The following PARD3 variants were observed in gnomAD, a reference collection of about 807,000 sequenced individuals.
PARD3 encodes partitioning defective 3 homolog.
In PARD3, 75 loss-of-function variants were observed where a neutral mutation model predicts 155.4. The observed-to-expected ratio is 0.48, with a 90% CI of 0.40 to 0.58. PARD3 has a LOEUF of 0.58. Ranked by LOEUF, PARD3 falls within the 20% of genes least tolerant of loss-of-function variation. PARD3 has a pLI of 0.00. For synonymous variants in PARD3, 576 were observed against 610.5 expected, an observed-to-expected ratio of 0.94 and a Z score of 0.83; for missense variants, 1,642 against 1,721.7, an observed-to-expected ratio of 0.95 and a Z score of 0.82.
In PARD3 at chr10:34,345,209, G is replaced by T. The variant is rs190988559; in HGVS notation, c.2218+2756C>A. 34 of 983,838 alleles carry T rather than the reference G, an allele frequency of 3.5e-5. No homozygotes were observed. In the African/African-American group the frequency reaches 5.1e-4, roughly 15 times the overall value. 60.9% of individuals were successfully genotyped at this position (983,838 alleles called of 1,614,324 possible). On this transcript the variant is annotated intron_variant, in intron 15 of 24. Transcript: ENST00000374788. ...GGACTTAGTTCCTCATCTGTTAAAT[G>T]GGAAAGTGTGACTGATGACATCTGA... is the stretch of plus-strand genomic sequence containing the variant.
chr10:34,123,372 G>A (rs1947108167), intron 23 of PARD3, among the ~76,000 whole-genome samples: 2 of 152,130 alleles, frequency 1.3e-5, no homozygotes, highest in Admixed American at 6.5e-5. Context: ...GCTTGAGGAA[G>A]CTATACAATG....
At chr10:34,717,763 A>C (rs2094542319) in intron 1 of PARD3, among the ~76,000 whole-genome samples, 1 of 152,228 alleles carries the variant, frequency 6.6e-6, no homozygotes. Flanking sequence ...CCACCAGTGA[A>C]TTAAGAACCA....
chr10:34,800,086 T>A (rs1370239561), intron 1 of PARD3, among the ~76,000 whole-genome samples: 1 of 151,646 alleles, frequency 6.6e-6, no homozygotes, highest in Non-Finnish European at 1.5e-5. Flanking sequence ...GCCATGATCA[T>A]GCCACTGCAC....
At chr10:34,684,848 T>C (rs117359120) in intron 2 of PARD3, among the ~76,000 whole-genome samples, 39,060 of 129,766 alleles carry the variant, frequency 0.3, 6,571 homozygotes, top group Non-Finnish European at 0.39. Context: ...CACACACACA[T>C]ATATATACAT....
intron 2 of PARD3, among the ~76,000 whole-genome samples, chr10:34,692,766 CGGG>C (rs1204706384): frequency 2.6e-5 from 4 of 152,108 alleles, no homozygotes. Context: ...CCCAGCTACT[CGGG>C]AGGCTGAGGC....
At chr10:34,695,571 CTCCTCT>C (rs1000646109) in intron 2 of PARD3, among the ~76,000 whole-genome samples, 8 of 152,154 alleles carry the variant, frequency 5.3e-5, no homozygotes, top group African/African-American at 1.4e-4. Flanking sequence ...CCTCCTCCCC[CTCCTCT>C]TCCTCTTCCT....
At chr10:34,424,448 T>C (rs1419538763) in intron 5 of PARD3, among the ~76,000 whole-genome samples, 3 of 152,128 alleles carry the variant, frequency 2.0e-5, no homozygotes, top group African/African-American at 7.2e-5. Flanking sequence ...ACTAATCAAA[T>C]ATGCAGCATG....
chr10:34,128,513 C>A (rs1308824794), intron 23 of PARD3, among the ~76,000 whole-genome samples: 1 of 152,118 alleles, frequency 6.6e-6, no homozygotes, highest in African/African-American at 2.4e-5. Context: ...TTCTGTTCAA[C>A]AGTGCGATAT....
chr10:34,383,600 G>C (rs572348588), intron 8 of PARD3, among the ~76,000 whole-genome samples: 8 of 152,274 alleles, frequency 5.3e-5, no homozygotes, highest in African/African-American at 1.9e-4. Context: ...AAGTTCTTAA[G>C]AGTTCTGTTT....
intron 5 of PARD3, among the ~76,000 whole-genome samples, chr10:34,402,391 G>A (rs10827363): frequency 0.58 from 87,892 of 151,988 alleles, 27,521 homozygotes; most frequent in African/African-American, 0.84. Context: ...TCAAAGTCAT[G>A]TTTCTCAGTT....
intron 2 of PARD3, among the ~76,000 whole-genome samples, chr10:34,641,940 T>C (rs1570650): frequency 1 from 151,698 of 152,232 alleles, 75,584 homozygotes; most frequent in Middle Eastern, 1. Context: ...CCAGCTGTGC[T>C]TGACTAGAAA....
intron 20 of PARD3, among the ~76,000 whole-genome samples, chr10:34,290,333 T>C (rs924044221): frequency 5.9e-5 from 9 of 152,196 alleles, no homozygotes; most frequent in Admixed American, 5.9e-4. Context: ...GGTTTAGCAA[T>C]AGTCTTTAAA....
At chr10:34,606,669 C>T (rs1221826063) in intron 2 of PARD3, among the ~76,000 whole-genome samples, 1 of 143,154 alleles carries the variant, frequency 7.0e-6, no homozygotes, top group East Asian at 2.1e-4. Flanking sequence ...AAAAGTCTGT[C>T]TATCAATAAG....
intron 3 of PARD3, among the ~76,000 whole-genome samples, chr10:34,477,522 T>C (rs751895093): frequency 1.8e-4 from 27 of 152,202 alleles, no homozygotes; most frequent in Non-Finnish European, 3.7e-4. Flanking sequence ...TAATGCACTG[T>C]AAATATTGAT....
At chr10:34,362,428 G>C (rs1339283819) in intron 12 of PARD3, among the ~76,000 whole-genome samples, 1 of 152,110 alleles carries the variant, frequency 6.6e-6, no homozygotes, top group Non-Finnish European at 1.5e-5. Flanking sequence ...TTATATACAT[G>C]CTTTGCTCTA....
intron 2 of PARD3, among the ~76,000 whole-genome samples, chr10:34,521,423 C>T (rs1018509326): frequency 9.5e-5 from 14 of 147,302 alleles, no homozygotes; most frequent in Non-Finnish European, 1.3e-4. Context: ...TATTAAAAAT[C>T]TCCATCATGC....
At chr10:34,697,444 C>T (rs892788184) in intron 1 of PARD3, among the ~76,000 whole-genome samples, 1 of 152,076 alleles carries the variant, frequency 6.6e-6, no homozygotes, top group Admixed American at 6.6e-5. Context: ...ATTCCTGGAC[C>T]CTGTTCCAGA....
chr10:34,465,621 C>T (rs2077962690), intron 4 of PARD3, among the ~76,000 whole-genome samples: 1 of 152,140 alleles, frequency 6.6e-6, no homozygotes, highest in Non-Finnish European at 1.5e-5. Flanking sequence ...AATAGGTTCC[C>T]TTTATTACTT....
chr10:34,242,666 C>A (rs576800236), intron 22 of PARD3, among the ~76,000 whole-genome samples: 1 of 152,122 alleles, frequency 6.6e-6, no homozygotes, highest in Non-Finnish European at 1.5e-5. Context: ...AAAAAGTATG[C>A]ACACTAAAAA....
Sources: gnomAD v4.1 joint callset for allele counts (sites outside exome capture counted in the v4.1 genomes callset) on GRCh38, gnomAD v4.1.1 for gene constraint, MANE v1.5 for transcripts, NCBI Gene and HGNC (gene_info 2026-07-23, HGNC 2026-07-21) for gene names.